QRICH2: variants seen among roughly 807,000 people sequenced by gnomAD.
QRICH2 encodes glutamine rich 2, also known as glutamine-rich protein 2.
QRICH2 carries 119 observed loss-of-function variants against 168.3 expected under a neutral mutation model. The observed-to-expected ratio is 0.71, with a 90% CI of 0.61 to 0.82. The LOEUF is 0.82. QRICH2 is among the 40% of genes least tolerant of loss of function. The probability of loss-of-function intolerance (pLI) is 0.00; values close to 1 mark genes in which losing one functional copy is unlikely to be tolerated. For missense variants in QRICH2, 2,241 were observed against 2,491.6 expected (o/e 0.90, Z 2.14); for synonymous variants, 894 against 951.2 (o/e 0.94, Z 1.11).
chr17:76,302,656 C>G (rs1486992745), intron 3 of QRICH2, among the ~76,000 whole-genome samples: 5 of 152,144 alleles, frequency 3.3e-5, no homozygotes, highest in Non-Finnish European at 5.9e-5. Context: ...ATTCTCCCCC[C>G]AGAGCTGCCA....
chr17:76,290,092 A>G lies in QRICH2; in HGVS notation c.3713-15T>C, dbSNP rs17509527. On this transcript the variant is annotated splice_polypyrimidine_tract_variant and intron_variant, in intron 4 of 18. Coordinates refer to ENST00000680821, the MANE Select transcript of QRICH2 (RefSeq NM_001388453.1). ...GGTCCTTTTGACTATGGAAAGCAGA[A>G]GCCTTATGATCAGAGGGGTTAGATC... 698,487 of 1,597,662 alleles carry G rather than the reference A, an allele frequency of 0.44. 162,551 individuals carry two copies. The highest frequency in any genetic ancestry group is 0.81 in the African/African-American group (60,006 of 74,492).
intron 7 of QRICH2, among the ~76,000 whole-genome samples, chr17:76,284,168 C>CAAAAAAAA (rs61553346): frequency 1.6e-5 from 1 of 62,756 alleles, no homozygotes; most frequent in Non-Finnish European, 2.7e-5. Flanking sequence ...ACTCTGTCTC[C>CAAAAAAAA]AAAAAAAAAA....
chr17:76,300,816 C>G (rs567388280), intron 3 of QRICH2, among the ~76,000 whole-genome samples: 4 of 152,182 alleles, frequency 2.6e-5, no homozygotes, highest in Admixed American at 2.6e-4. Context: ...CTTTGGGAGG[C>G]CAAGGCAGGC....
rs752189028 is a variant in QRICH2 at position 76,276,705 on chromosome 17, C to A, written c.5328G>T (p.Arg1776Ser). ...TGTCTTTTCGGAGGATGCCTGGCAG[C>A]CTTGTGTCCATCCGTCCCTTGTAAA... is the stretch of plus-strand genomic sequence containing the variant. ...GHIYKGRMDT[R>S]LPGILRKDSS... Residue 1776 changes from arginine to serine, a missense_variant, in exon 17 of 19, where the codon AGG becomes AGT. Coordinates refer to ENST00000680821, the MANE Select transcript of QRICH2 (RefSeq NM_001388453.1). The A allele has an allele frequency of 6.2e-7, 1 of 1,613,864 alleles. No homozygotes were observed. The highest frequency in any genetic ancestry group is 8.5e-7 in the Non-Finnish European group (1 of 1,179,960).
In QRICH2 at chr17:76,280,126, T is replaced by C. The variant is rs779019845; in HGVS notation, c.4655A>G (p.Lys1552Arg). ...TTTCCACCGATCCTCCAGCAACTGC[T>C]TCACTGGGTCCAGCTCCAGGCGGTC... ...KLDRLELDPVKQLLEDRWKSL... is the reference protein window; with the variant it reads ...KLDRLELDPVRQLLEDRWKSL... Residue 1552 changes from lysine (K) to arginine (R), a missense_variant, in exon 12 of 19, where the codon AAG becomes AGG. Transcript: ENST00000680821. This position sits in a 1 kb window ranked among gnomAD's most constrained non-coding sequence, Gnocchi z 7.4. The C allele has an allele frequency of 9.2e-5, 149 of 1,613,790 alleles. No individual in the cohort carries two copies. Among genetic ancestry groups the C allele is most frequent in the Non-Finnish European group, 1.2e-4 (147 of 1,180,008 alleles).
chr17:76,304,837 C>G, intron 2 of QRICH2, 45 bp downstream of exon 2: 1 of 1,415,528 alleles, frequency 7.1e-7, no homozygotes, highest in East Asian at 2.3e-5. Context: ...TGAGAGACGG[C>G]CAGCCCCCTG....
At chr17:76,286,846 G>C (rs950833111) in intron 7 of QRICH2, among the ~76,000 whole-genome samples, 1 of 144,404 alleles carries the variant, frequency 6.9e-6, no homozygotes, top group African/African-American at 2.6e-5. Context: ...CTGCACTACA[G>C]CCTGGATGAC....
intron 3 of QRICH2, among the ~76,000 whole-genome samples, chr17:76,300,230 G>A (rs2070876799): frequency 6.6e-6 from 1 of 152,130 alleles, no homozygotes; most frequent in South Asian, 2.1e-4. Flanking sequence ...TTACACATAA[G>A]CATAGACACC....
At position 76,307,016 on chromosome 17, in the gene QRICH2, T is replaced by C. The variant is rs1039960344; in HGVS notation, c.534+449A>G. Among the ~76,000 whole-genome samples, 15 of 152,274 alleles carry C rather than the reference T, an allele frequency of 9.9e-5. No individual in the cohort carries two copies. The highest frequency in any genetic ancestry group is 3.4e-3 in the Middle Eastern group (1 of 294). ...GGAGCCTTTGTCCTCAACACGTATC[T>C]CTTCATGTCCTTATTCATTTTAAAA... On this transcript the variant is annotated intron_variant, in intron 1 of 18. Coordinates refer to ENST00000680821, the MANE Select transcript of QRICH2 (RefSeq NM_001388453.1). The surrounding 1 kb of genome is among the most constrained non-coding windows in gnomAD (Gnocchi z 5.3).
chr17:76,276,613 C>T, intron 17 of QRICH2, 67 bp downstream of exon 17: 1 of 1,193,352 alleles, frequency 8.4e-7, no homozygotes, highest in Non-Finnish European at 1.2e-6. Flanking sequence ...AAGTGCCAGG[C>T]CCCACAATGG....
chr17:76,301,920 G>C (rs2945456), intron 3 of QRICH2, among the ~76,000 whole-genome samples: 1 of 141,606 alleles, frequency 7.1e-6, no homozygotes, highest in Non-Finnish European at 1.6e-5. Context: ...GTGTGTGTGA[G>C]ACAGAGTCTC....
chr17:76,287,177 G>C lies in QRICH2; in HGVS notation c.4011+15C>G, dbSNP rs1361621587. ...GGCCCTTGGTCCCTGGAGCTAAAGA[G>C]TGGGGAATCCTCACCTGGTCCTGCA... On this transcript the variant is annotated intron_variant, in intron 7 of 18. Coordinates refer to ENST00000680821, the MANE Select transcript of QRICH2 (RefSeq NM_001388453.1). 2 of 1,584,852 alleles carry C rather than the reference G, an allele frequency of 1.3e-6. No individual in the cohort carries two copies. Among genetic ancestry groups the C allele is most frequent in the East Asian group, 2.2e-5 (1 of 44,752 alleles).
rs138268734 is a variant in QRICH2, at chr17:76,280,996, C to A, written c.4264-43G>T. On this transcript the variant is annotated intron_variant, in intron 8 of 18. Transcript: ENST00000680821. The surrounding 1 kb of genome is among the most constrained non-coding windows in gnomAD (Gnocchi z 7.4). ...GGAAGGCTCTCGGAGGCTGCTGGCGCGATCCCACCCCCTGCTGCCATAATA... is the reference window on the plus strand; with the variant it reads ...GGAAGGCTCTCGGAGGCTGCTGGCGAGATCCCACCCCCTGCTGCCATAATA... The A allele has an allele frequency of 6.3e-7, 1 of 1,590,604 alleles. No homozygotes were observed. The highest frequency in any genetic ancestry group is 8.5e-7 in the Non-Finnish European group (1 of 1,174,390).
chr17:76,304,633 C>A, intron 2 of QRICH2, 108 bp from the exon 3 acceptor site: 1 of 796,508 alleles, frequency 1.3e-6, no homozygotes, highest in African/African-American at 1.7e-5. Flanking sequence ...ACAGCCCCAG[C>A]CCCAGGGAGA....
rs2071002714 is a variant in QRICH2, at chr17:76,291,997, A to T, written c.2730T>A (p.Gly910=). 6.2e-7 allele frequency: 1 copy of T among 1,614,164 alleles called. No homozygotes were observed. The highest frequency in any genetic ancestry group is 8.5e-7 in the Non-Finnish European group (1 of 1,180,036). The change falls in exon 4 of 19, where the codon GGT becomes GGA. Residue 910 remains glycine, a synonymous_variant. Transcript: ENST00000680821. ...GCTGACCTATTCCAGGCTGCACCATACCCAGCTGACCTGCACCAGGCTGGA... is the reference window on the plus strand; with the variant it reads ...GCTGACCTATTCCAGGCTGCACCATTCCCAGCTGACCTGCACCAGGCTGGA... The part of the protein sequence containing the change: ...GLVQPGAGQL[G]MVQPGIGQQG...
Position 76,274,357 on chromosome 17 carries a change from C to A in QRICH2, c.5483-97G>T, listed in dbSNP as rs1598472044. ...ATGCCCAGGGAGGTTGAGAGCAGTT[C>A]TGTTCGCCATGCTGGGCTGACACAG... is the stretch of plus-strand genomic sequence containing the variant. On this transcript the variant is annotated intron_variant, in intron 18 of 18. Coordinates refer to ENST00000680821, the MANE Select transcript of QRICH2 (RefSeq NM_001388453.1). 1.3e-5 allele frequency: 17 copies of A among 1,294,254 alleles called. No individual in the cohort carries two copies. The East Asian group carries it at 4.6e-4, about 35-fold the overall frequency. 80.2% of individuals were successfully genotyped at this position (1,294,254 alleles called of 1,614,324 possible).
rs2070789662 is a variant in QRICH2 at position 76,281,632 on chromosome 17, A to T, written c.4263+232T>A. The stretch of plus-strand genomic sequence containing the variant: ...CGGCCTGTGCTGTCCCACCCCATCA[A>T]GCCAGCTCTTCCCCATGGTCTCCTG... On this transcript the variant is annotated intron_variant, in intron 8 of 18. Transcript: ENST00000680821. The surrounding 1 kb of genome is among the most constrained non-coding windows in gnomAD (Gnocchi z 4.4). Among the ~76,000 whole-genome samples the T allele has an allele frequency of 6.6e-6, 1 of 152,198 alleles. No individual in the cohort carries two copies. The highest frequency in any genetic ancestry group is 2.1e-4 in the South Asian group (1 of 4,832).
chr17:76,302,292 G>A (rs1390771833), intron 3 of QRICH2, among the ~76,000 whole-genome samples: 2 of 146,442 alleles, frequency 1.4e-5, no homozygotes, highest in African/African-American at 2.5e-5. Context: ...CTAGGACCCC[G>A]TTTCCCCCCC....
At chr17:76,287,087 C>CAT (rs2070901334) in intron 7 of QRICH2, 105 bp downstream of exon 7, 11 of 301,930 alleles carry the variant, frequency 3.6e-5, no homozygotes, top group Non-Finnish European at 5.1e-5. Flanking sequence ...CACACACACA[C>CAT]ATGATGGGAG....
Sources: allele counts gnomAD v4.1 joint callset (sites outside exome capture counted in the v4.1 genomes callset), GRCh38; gene constraint gnomAD v4.1.1; non-coding constraint Gnocchi (gnomAD v3.1); transcripts MANE v1.5; gene names NCBI Gene and HGNC (gene_info 2026-07-23, HGNC 2026-07-21).